The following EPHA5 variants were observed in gnomAD, a reference collection of about 807,000 sequenced individuals.
The protein encoded by EPHA5 is ephrin type-A receptor 5.
In EPHA5, 60 loss-of-function variants were observed where a neutral mutation model predicts 105.0. The ratio of observed to expected loss-of-function variants is 0.57; its 90% CI spans 0.46 to 0.71. The LOEUF is 0.71. Ranked by LOEUF, EPHA5 falls within the 30% of genes least tolerant of loss-of-function variation. EPHA5 has a pLI of 0.00. For synonymous variants in EPHA5, 513 were observed against 449.1 expected, an observed-to-expected ratio of 1.14 and a Z score of -1.80; for missense variants, 1,218 against 1,274.7, an observed-to-expected ratio of 0.96 and a Z score of 0.68.
Position 65,348,979 on chromosome 4 carries a change from C to A in EPHA5, c.2446-776G>T, listed in dbSNP as rs551462385. On this transcript the variant is annotated intron_variant, in intron 13 of 16. Transcript: ENST00000613740. ...TACAGATGTGCGCTATCATGCCTGG[C>A]TAATTTTTGTATTTTTAGTAGAGAC... 1.3e-4 allele frequency among the ~76,000 whole-genome samples: 20 copies of A among 150,860 alleles called. 1 individual carries two copies. The South Asian group carries it at 3.8e-3, about 28-fold the overall frequency.
chr4:65,571,271 C>G (rs1407303887), intron 3 of EPHA5, among the ~76,000 whole-genome samples: 1 of 150,920 alleles, frequency 6.6e-6, no homozygotes, highest in African/African-American at 2.4e-5. Context: ...AATTAAAATG[C>G]ACAATATGGC....
At chr4:65,434,940 G>A (rs1578110807) in intron 5 of EPHA5, among the ~76,000 whole-genome samples, 4 of 152,042 alleles carry the variant, frequency 2.6e-5, no homozygotes, top group Admixed American at 2.6e-4. Context: ...CCAATGTCTT[G>A]TTTAAGATAT....
At chr4:65,438,179 T>A (rs1283055771) in intron 5 of EPHA5, among the ~76,000 whole-genome samples, 1 of 151,964 alleles carries the variant, frequency 6.6e-6, no homozygotes, top group African/African-American at 2.4e-5. Flanking sequence ...AAAATGCTAT[T>A]GATTTATCTA....
At chr4:65,526,613 C>T (rs1405282799) in intron 3 of EPHA5, among the ~76,000 whole-genome samples, 2 of 151,638 alleles carry the variant, frequency 1.3e-5, no homozygotes, top group African/African-American at 4.8e-5. Flanking sequence ...AGTAAATTTC[C>T]ATTGTTTGTT....
intron 3 of EPHA5, among the ~76,000 whole-genome samples, chr4:65,555,719 G>T (rs1738370408): frequency 6.7e-6 from 1 of 148,600 alleles, no homozygotes; most frequent in African/African-American, 2.6e-5. Context: ...TAATTGATTA[G>T]TGTGAATTTT....
chr4:65,560,069 A>G (rs1738853299), intron 3 of EPHA5, among the ~76,000 whole-genome samples: 1 of 152,116 alleles, frequency 6.6e-6, no homozygotes, highest in Non-Finnish European at 1.5e-5. Context: ...TTGATTTTTT[A>G]TGACTGTGAC....
Position 65,336,108 on chromosome 4 carries a change from C to T in EPHA5, c.2613G>A (p.Glu871=), listed in dbSNP as rs576826296. The change falls in exon 15 of 17, where the codon GAG becomes GAA. Residue 871 remains glutamate, a synonymous_variant. Coordinates refer to ENST00000613740, the MANE Select transcript of EPHA5 (RefSeq NM_001281766.3). ...MTNQDVIKAV[E]EGYRLPSPMD... is the part of the protein sequence containing the mutation. The stretch of plus-strand genomic sequence containing the variant: ...TGGGGCTTGGCAGACGATAGCCTTC[C>T]TCTACCGCTTTAATCACCTGTATAA... 3.1e-6 allele frequency: 5 copies of T among 1,611,154 alleles called. No individual in the cohort carries two copies. The South Asian group carries it at 3.3e-5, about 11-fold the overall frequency.
chr4:65,463,623 C>A (rs542675362), intron 5 of EPHA5, among the ~76,000 whole-genome samples: 1 of 152,122 alleles, frequency 6.6e-6, no homozygotes, highest in South Asian at 2.1e-4. Flanking sequence ...AATTGTGTTG[C>A]CTTTAACAAG....
intron 3 of EPHA5, among the ~76,000 whole-genome samples, chr4:65,574,675 TATAC>T (rs1287269451): frequency 0.012 from 195 of 15,620 alleles, no homozygotes; most frequent in East Asian, 0.054. Flanking sequence ...TACACATATA[TATAC>T]ATATATATAC....
chr4:65,383,382 AAG>A (rs1400356972), intron 8 of EPHA5, among the ~76,000 whole-genome samples: 2 of 151,776 alleles, frequency 1.3e-5, no homozygotes, highest in Non-Finnish European at 2.9e-5. Context: ...ACAGGTTAGA[AAG>A]AGTTATGTTC....
intron 3 of EPHA5, among the ~76,000 whole-genome samples, chr4:65,582,856 A>G (rs1300101036): frequency 6.6e-6 from 1 of 151,732 alleles, no homozygotes; most frequent in Non-Finnish European, 1.5e-5. Context: ...CTATCATTTG[A>G]TTCTATAACT....
intron 5 of EPHA5, among the ~76,000 whole-genome samples, chr4:65,448,570 C>A (rs1035871080): frequency 3.3e-5 from 5 of 152,130 alleles, no homozygotes; most frequent in Non-Finnish European, 5.9e-5. Context: ...ATTGCTTGAA[C>A]CCAGGAGGCA....
At chr4:65,498,269 T>C (rs995442953) in intron 3 of EPHA5, among the ~76,000 whole-genome samples, 1 of 151,888 alleles carries the variant, frequency 6.6e-6, no homozygotes, top group Non-Finnish European at 1.5e-5. Context: ...CACAAAAACC[T>C]TACATATTTT....
At chr4:65,452,399 A>G (rs758744969) in intron 5 of EPHA5, among the ~76,000 whole-genome samples, 1 of 152,150 alleles carries the variant, frequency 6.6e-6, no homozygotes, top group Non-Finnish European at 1.5e-5. Flanking sequence ...TAATTCATAT[A>G]CAAATGTTAT....
At chr4:65,331,640 A>G in intron 16 of EPHA5, 1 of 1,082,454 alleles carries the variant, frequency 9.2e-7, no homozygotes, top group Non-Finnish European at 1.1e-6. Context: ...TTTTGTATTT[A>G]CATTCATATA....
At chr4:65,342,149 C>G (rs1390677289) in intron 14 of EPHA5, among the ~76,000 whole-genome samples, 1 of 114,888 alleles carries the variant, frequency 8.7e-6, no homozygotes, top group Non-Finnish European at 1.9e-5. Flanking sequence ...TGGTTTAAGT[C>G]CAAGATTTTT....
At chr4:65,542,970 C>T (rs1228844753) in intron 3 of EPHA5, among the ~76,000 whole-genome samples, 1 of 151,870 alleles carries the variant, frequency 6.6e-6, no homozygotes, top group East Asian at 1.9e-4. Flanking sequence ...AATTACAAAA[C>T]CACATGATTA....
chr4:65,513,137 G>A (rs1733781777), intron 3 of EPHA5, among the ~76,000 whole-genome samples: 1 of 152,138 alleles, frequency 6.6e-6, no homozygotes, highest in Non-Finnish European at 1.5e-5. Flanking sequence ...TATGTCATAT[G>A]TGTTTGCTCT....
In EPHA5 at chr4:65,476,117, A is replaced by AGTGT. The variant is rs1293931481; in HGVS notation, c.1402+14259_1402+14260insACAC. Among the ~76,000 whole-genome samples, 914 of 127,838 alleles carry AGTGT rather than the reference A, an allele frequency of 7.1e-3. 6 individuals carry two copies. Among genetic ancestry groups the AGTGT allele is most frequent in the African/African-American group, 0.014 (456 of 32,766 alleles). The allele number at this position is 127,838 out of a possible 152,430, so 83.9% of individuals were successfully genotyped here. On this transcript the variant is annotated intron_variant, in intron 5 of 16. Transcript: ENST00000613740. ...AAATCACTGAGAGAGAGAGAGAGAGAGAGAGAGAGAGTGTGTGTGTGTGTG... is the reference window on the plus strand; with the variant it reads ...AAATCACTGAGAGAGAGAGAGAGAGAGTGTGAGAGAGAGAGTGTGTGTGTGTGTG...
Sources: allele counts gnomAD v4.1 joint callset (sites outside exome capture counted in the v4.1 genomes callset), GRCh38; gene constraint gnomAD v4.1.1; transcripts MANE v1.5; gene names NCBI Gene and HGNC (gene_info 2026-07-23, HGNC 2026-07-21).